The following REC114 variants were observed in gnomAD, a reference collection of about 807,000 sequenced individuals.
The protein encoded by REC114 is meiotic recombination protein REC114.
In REC114, 27 loss-of-function variants were observed where a neutral mutation model predicts 31.3. That is an observed-to-expected ratio of 0.86 (90% CI 0.64 to 1.19). The LOEUF (loss-of-function observed/expected upper bound fraction) is 1.19, where lower values mean the gene tolerates loss of function less well. Among genes scored for constraint, REC114 ranks in the 50% most tolerant of loss-of-function variants. REC114 has a pLI of 0.00. For synonymous variants in REC114, 134 were observed against 127.7 expected (o/e 1.05, Z -0.33); for missense variants, 344 against 326.9 (o/e 1.05, Z -0.40).
chr15:73,451,008 T>A (rs753191011), intron 1 of REC114, among the ~76,000 whole-genome samples: 2 of 152,074 alleles, frequency 1.3e-5, no homozygotes, highest in Non-Finnish European at 2.9e-5. Flanking sequence ...AAATTTATAG[T>A]ACTAAATGCC....
intron 2 of REC114, among the ~76,000 whole-genome samples, chr15:73,520,677 T>G (rs1482505172): frequency 6.6e-6 from 1 of 152,236 alleles, no homozygotes. Context: ...GTGGTTGTTG[T>G]ACTTTGCAGT....
At chr15:73,543,174 C>G (rs1207212544) in intron 3 of REC114, among the ~76,000 whole-genome samples, 1 of 152,146 alleles carries the variant, frequency 6.6e-6, no homozygotes. Flanking sequence ...TGTATTTCTT[C>G]TGTTAATCAC....
intron 2 of REC114, among the ~76,000 whole-genome samples, chr15:73,508,853 A>G (rs1449799189): frequency 6.6e-6 from 1 of 151,684 alleles, no homozygotes; most frequent in Non-Finnish European, 1.5e-5. Context: ...ATTGTTGGAC[A>G]TTTGGGTTGG....
At chr15:73,490,686 C>A (rs1237881685) in intron 2 of REC114, among the ~76,000 whole-genome samples, 1 of 152,068 alleles carries the variant, frequency 6.6e-6, no homozygotes, top group Admixed American at 6.5e-5. Flanking sequence ...CAGAGCAAGA[C>A]CTTGTCTCAA....
At chr15:73,548,757 C>G (rs1259406663) in intron 3 of REC114, among the ~76,000 whole-genome samples, 2 of 152,126 alleles carry the variant, frequency 1.3e-5, no homozygotes, top group Non-Finnish European at 2.9e-5. Flanking sequence ...TGGCACTATT[C>G]ACAATAGCAA....
intron 2 of REC114, among the ~76,000 whole-genome samples, chr15:73,535,948 G>A (rs1894150397): frequency 6.7e-6 from 1 of 149,816 alleles, no homozygotes; most frequent in African/African-American, 2.5e-5. Flanking sequence ...TTTAATAAAT[G>A]GTGCTGGGAA....
rs534201042 is a variant in REC114 at position 73,484,760 on chromosome 15, G to T, written c.249+10839G>T. The stretch of plus-strand genomic sequence containing the variant: ...AGTGTCTTTACCTAGATATAATTAT[G>T]CCTGAAACACAGAATGGTTTTGAGA... On this transcript the variant is annotated intron_variant, in intron 2 of 5. Transcript: ENST00000331090. 7.2e-5 allele frequency among the ~76,000 whole-genome samples: 11 copies of T among 152,260 alleles called. No individual in the cohort carries two copies. In the East Asian group the frequency reaches 2.1e-3, roughly 29 times the overall value.
intron 2 of REC114, among the ~76,000 whole-genome samples, chr15:73,488,640 T>C (rs939416150): frequency 9.2e-5 from 14 of 152,242 alleles, no homozygotes; most frequent in African/African-American, 3.4e-4. Flanking sequence ...TCCTCCAGTT[T>C]CTAATAAGAT....
chr15:73,479,810 C>G (rs1352465481), intron 2 of REC114, among the ~76,000 whole-genome samples: 1 of 152,072 alleles, frequency 6.6e-6, no homozygotes, highest in African/African-American at 2.4e-5. Flanking sequence ...TACCTATATA[C>G]ATAACAATTT....
rs540348376 is a variant in REC114 at position 73,483,269 on chromosome 15, C to T, written c.249+9348C>T. ...TTCCTCTGGTCATGTTTTGAGCTGC[C>T]GCTGCTGCTGCTGCTGCTGCTGCAA... On this transcript the variant is annotated intron_variant, in intron 2 of 5. Coordinates refer to ENST00000331090, the MANE Select transcript of REC114 (RefSeq NM_001042367.2). 280 of 154,938 alleles carry T rather than the reference C, an allele frequency of 1.8e-3. 7 individuals are homozygous for T. The highest frequency in any genetic ancestry group is 3.5e-3 in the Non-Finnish European group (245 of 69,702). The allele number at this position is 154,938 out of a possible 1,614,324, so 9.6% of individuals were successfully genotyped here. A position where few individuals can be genotyped will look rare whatever the true frequency, so the allele number is the denominator to read the frequency against.
intron 3 of REC114, among the ~76,000 whole-genome samples, chr15:73,547,563 GA>G (rs1894327469): frequency 6.6e-6 from 1 of 152,126 alleles, no homozygotes; most frequent in Admixed American, 6.5e-5. Context: ...CAAAAGAAAG[GA>G]AATCAATGTA....
chr15:73,466,117 C>G (rs993081635), intron 1 of REC114, among the ~76,000 whole-genome samples: 1 of 151,858 alleles, frequency 6.6e-6, no homozygotes, highest in Non-Finnish European at 1.5e-5. Context: ...TCCCAAAGTG[C>G]TGGGATTACA....
At chr15:73,536,013 A>G (rs1248811573) in intron 2 of REC114, among the ~76,000 whole-genome samples, 5 of 150,322 alleles carry the variant, frequency 3.3e-5, no homozygotes, top group African/African-American at 1.2e-4. Context: ...TACACCTTAT[A>G]CAAAAATCAA....
At chr15:73,487,943 A>G (rs983118192) in intron 2 of REC114, among the ~76,000 whole-genome samples, 3 of 152,158 alleles carry the variant, frequency 2.0e-5, no homozygotes, top group Non-Finnish European at 4.4e-5. Flanking sequence ...ATGCCTCCAC[A>G]GCTTGTGCAC....
chr15:73,535,056 A>G (rs1894135839), intron 2 of REC114, among the ~76,000 whole-genome samples: 1 of 140,076 alleles, frequency 7.1e-6, no homozygotes, highest in Non-Finnish European at 1.5e-5. Context: ...ATCTATGACA[A>G]ACCCACAGCC....
chr15:73,486,944 C>G (rs1471654137), intron 2 of REC114, among the ~76,000 whole-genome samples: 1 of 152,062 alleles, frequency 6.6e-6, no homozygotes, highest in Non-Finnish European at 1.5e-5. Flanking sequence ...TCGCTTGAAC[C>G]CAAGAGGTGG....
intron 1 of REC114, among the ~76,000 whole-genome samples, chr15:73,458,296 GTAAA>G (rs1892944662): frequency 6.6e-6 from 1 of 152,110 alleles, no homozygotes; most frequent in African/African-American, 2.4e-5. Context: ...CCTAATTAGG[GTAAA>G]TAGTTTGCCA....
At chr15:73,527,941 A>G (rs974221789) in intron 2 of REC114, among the ~76,000 whole-genome samples, 2 of 152,230 alleles carry the variant, frequency 1.3e-5, no homozygotes, top group Admixed American at 6.5e-5. Context: ...GGCTATATCA[A>G]AAGGACAGGG....
intron 2 of REC114, among the ~76,000 whole-genome samples, chr15:73,484,282 T>C (rs1429426738): frequency 2.0e-5 from 3 of 152,088 alleles, no homozygotes; most frequent in African/African-American, 7.2e-5. Context: ...GTGGCTTTTC[T>C]TGGAGCACAG....
Sources: allele counts gnomAD v4.1 joint callset (sites outside exome capture counted in the v4.1 genomes callset), GRCh38; gene constraint gnomAD v4.1.1; transcripts MANE v1.5; gene names NCBI Gene and HGNC (gene_info 2026-07-23, HGNC 2026-07-21).